The following MTUS1 variants were observed in gnomAD, a reference collection of about 807,000 sequenced individuals.
MTUS1 encodes microtubule-associated tumor suppressor 1.
A neutral mutation model predicts 120.8 loss-of-function variants in MTUS1; 109 were observed. The observed-to-expected ratio is 0.90, with a 90% CI of 0.77 to 1.06. MTUS1 has a LOEUF of 1.06. Among genes scored for constraint, MTUS1 ranks in the 50% least tolerant of loss-of-function variants. MTUS1 has a pLI of 0.00. For missense variants in MTUS1, 2,210 were observed against 1,486.3 expected, an observed-to-expected ratio of 1.49 and a Z score of -8.01; for synonymous variants, 737 against 550.5, an observed-to-expected ratio of 1.34 and a Z score of -4.74.
At chr8:17,701,637 T>A (rs1189963069) in intron 6 of MTUS1, among the ~76,000 whole-genome samples, 1 of 152,084 alleles carries the variant, frequency 6.6e-6, no homozygotes, top group Non-Finnish European at 1.5e-5. Context: ...AAGCTCCACC[T>A]CTCGGGTTCA....
intron 1 of MTUS1, among the ~76,000 whole-genome samples, chr8:17,775,772 G>C (rs890211686): frequency 6.6e-6 from 1 of 152,220 alleles, no homozygotes; most frequent in Admixed American, 6.5e-5. Flanking sequence ...GGCAAACAGA[G>C]CTCAGGTACA....
intron 1 of MTUS1, among the ~76,000 whole-genome samples, chr8:17,789,612 C>G (rs557955661): frequency 6.6e-6 from 1 of 152,120 alleles, no homozygotes; most frequent in Admixed American, 6.5e-5. Context: ...TGTGTAGTTA[C>G]GCAAGTTGGC....
intron 3 of MTUS1, among the ~76,000 whole-genome samples, chr8:17,739,300 C>T (rs544534082): frequency 6.6e-6 from 1 of 151,930 alleles, no homozygotes; most frequent in Non-Finnish European, 1.5e-5. Context: ...TGGAGACCAG[C>T]CTGACCAACA....
At chr8:17,701,406 C>T (rs1486366759) in intron 6 of MTUS1, among the ~76,000 whole-genome samples, 1 of 152,144 alleles carries the variant, frequency 6.6e-6, no homozygotes, top group African/African-American at 2.4e-5. Context: ...CTTCCACCCA[C>T]CTGTAAGATG....
chr8:17,650,602 C>CA (rs1585394148), intron 12 of MTUS1, among the ~76,000 whole-genome samples: 2 of 152,292 alleles, frequency 1.3e-5, no homozygotes, highest in East Asian at 3.9e-4. Context: ...CCCAGCTACT[C>CA]AGGAGGCTGA....
At chr8:17,687,781 C>G (rs1816130954) in intron 6 of MTUS1, among the ~76,000 whole-genome samples, 1 of 152,166 alleles carries the variant, frequency 6.6e-6, no homozygotes, top group Admixed American at 6.5e-5. Flanking sequence ...CTGGATGACC[C>G]TGTTGGCTAT....
intron 12 of MTUS1, among the ~76,000 whole-genome samples, chr8:17,652,977 T>C (rs1428178322): frequency 6.6e-6 from 1 of 152,182 alleles, no homozygotes; most frequent in African/African-American, 2.4e-5. Flanking sequence ...AGAAACATCC[T>C]GGACTTCATC....
At chr8:17,753,472 T>G (rs906493688) in intron 2 of MTUS1, among the ~76,000 whole-genome samples, 3 of 152,190 alleles carry the variant, frequency 2.0e-5, no homozygotes, top group African/African-American at 7.2e-5. Flanking sequence ...CAGCACACTA[T>G]TAAAAGGAAC....
At chr8:17,712,081 G>C (rs1157988593) in intron 6 of MTUS1, among the ~76,000 whole-genome samples, 3 of 152,186 alleles carry the variant, frequency 2.0e-5, no homozygotes, top group Admixed American at 6.5e-5. Flanking sequence ...TTGAAATAGT[G>C]TGAGAATTAC....
At chr8:17,776,154 AACAAT>A (rs2050412810) in intron 1 of MTUS1, among the ~76,000 whole-genome samples, 1 of 152,176 alleles carries the variant, frequency 6.6e-6, no homozygotes, top group African/African-American at 2.4e-5. Context: ...AAAAAAAAAC[AACAAT>A]ACAAAATACA....
chr8:17,666,114 T>A (rs200712767), intron 8 of MTUS1, among the ~76,000 whole-genome samples: 2,855 of 85,950 alleles, frequency 0.033, 93 homozygotes, highest in East Asian at 0.12. Context: ...TTTTTTTTTT[T>A]AAATCACAAC....
At chr8:17,767,335 T>C (rs1016953852) in intron 1 of MTUS1, among the ~76,000 whole-genome samples, 12 of 151,862 alleles carry the variant, frequency 7.9e-5, no homozygotes, top group Non-Finnish European at 1.2e-4. Context: ...AATTTTGATA[T>C]ATGAATGTAT....
chr8:17,730,673 C>G (rs527417822), intron 3 of MTUS1, among the ~76,000 whole-genome samples: 2 of 152,244 alleles, frequency 1.3e-5, no homozygotes, highest in South Asian at 4.1e-4. Flanking sequence ...GAAGTTGACA[C>G]ATGCTACAAC....
chr8:17,648,282 C>G (rs563327497), intron 13 of MTUS1, among the ~76,000 whole-genome samples: 5 of 152,312 alleles, frequency 3.3e-5, no homozygotes, highest in African/African-American at 1.2e-4. Flanking sequence ...ATTGTATCAA[C>G]TCATTCTTGC....
chr8:17,679,252 C>T (rs1813766185), intron 7 of MTUS1, among the ~76,000 whole-genome samples: 1 of 151,742 alleles, frequency 6.6e-6, no homozygotes, highest in African/African-American at 2.4e-5. Context: ...AATACATAGA[C>T]ATACAATGTA....
At chr8:17,688,692 C>T (rs117585859) in intron 6 of MTUS1, among the ~76,000 whole-genome samples, 5,524 of 152,290 alleles carry the variant, frequency 0.036, 193 homozygotes, top group South Asian at 0.15. Flanking sequence ...TGCAATCTTA[C>T]ATACAGTTTT....
chr8:17,654,469 G>A (rs775675399), intron 10 of MTUS1, 92 bp downstream of exon 10: 9 of 944,006 alleles, frequency 9.5e-6, no homozygotes, highest in Non-Finnish European at 1.5e-5. Flanking sequence ...GGCATTCGCT[G>A]AAGCAGGAAG....
chr8:17,690,616 T>C (rs546685408), intron 6 of MTUS1, among the ~76,000 whole-genome samples: 1 of 152,230 alleles, frequency 6.6e-6, no homozygotes, highest in South Asian at 2.1e-4. Flanking sequence ...CATTAAACAT[T>C]AGAAATATTT....
chr8:17,672,304 T>A (rs1222304044), intron 8 of MTUS1, among the ~76,000 whole-genome samples: 1 of 152,058 alleles, frequency 6.6e-6, no homozygotes, highest in African/African-American at 2.4e-5. Flanking sequence ...TTACAATGCA[T>A]TACCTCATGT....
Sources: gnomAD v4.1 joint callset for allele counts (sites outside exome capture counted in the v4.1 genomes callset) on GRCh38, gnomAD v4.1.1 for gene constraint, MANE v1.5 for transcripts, NCBI Gene and HGNC (gene_info 2026-07-23, HGNC 2026-07-21) for gene names.